EYS: variants seen among roughly 807,000 people sequenced by gnomAD.
EYS encodes protein eyes shut homolog.
EYS carries 250 observed loss-of-function variants against 282.1 expected under a neutral mutation model. The ratio of observed to expected loss-of-function variants is 0.89; its 90% CI spans 0.80 to 0.98. The LOEUF (loss-of-function observed/expected upper bound fraction) is 0.98. EYS is among the 50% of genes least tolerant of loss of function. The pLI is 0.00. For synonymous variants in EYS, 1,355 were observed against 1,282.9 expected (o/e 1.06, Z -1.20); for missense variants, 4,016 against 3,709.0 (o/e 1.08, Z -2.15).
intron 26 of EYS, among the ~76,000 whole-genome samples, chr6:64,495,248 T>C (rs1263290050): frequency 1.3e-5 from 2 of 151,724 alleles, no homozygotes; most frequent in East Asian, 1.9e-4. Context: ...TTGGTGGGAA[T>C]GTAATATCCA....
intron 12 of EYS, among the ~76,000 whole-genome samples, chr6:65,234,529 C>T (rs1354463252): frequency 1.3e-5 from 2 of 152,140 alleles, no homozygotes; most frequent in Non-Finnish European, 2.9e-5. Flanking sequence ...ACCATCATTT[C>T]TACAGCATTA....
At chr6:65,100,128 A>C (rs1774852438) in intron 12 of EYS, among the ~76,000 whole-genome samples, 1 of 150,948 alleles carries the variant, frequency 6.6e-6, no homozygotes, top group Non-Finnish European at 1.5e-5. Flanking sequence ...CTAAGAAAAA[A>C]GTAACCCTAT....
At chr6:65,382,707 G>A (rs867581623) in intron 8 of EYS, among the ~76,000 whole-genome samples, 3 of 151,930 alleles carry the variant, frequency 2.0e-5, no homozygotes, top group Admixed American at 6.6e-5. Context: ...TCCAATGTTC[G>A]AGAGCAGGAA....
intron 26 of EYS, among the ~76,000 whole-genome samples, chr6:64,549,370 C>T (rs1470538155): frequency 1.3e-5 from 2 of 152,198 alleles, no homozygotes; most frequent in Non-Finnish European, 2.9e-5. Flanking sequence ...TTGTCCATGT[C>T]ATGATTCTCA....
At chr6:64,269,131 C>T (rs566652558) in intron 30 of EYS, among the ~76,000 whole-genome samples, 2 of 152,192 alleles carry the variant, frequency 1.3e-5, no homozygotes, top group African/African-American at 4.8e-5. Context: ...ACCAACTAGG[C>T]TATGACAGGG....
chr6:65,217,168 T>C (rs887801432), intron 12 of EYS, among the ~76,000 whole-genome samples: 3 of 152,098 alleles, frequency 2.0e-5, no homozygotes, highest in African/African-American at 7.2e-5. Context: ...CAATATGTTG[T>C]GCTCTTGAGA....
intron 31 of EYS, among the ~76,000 whole-genome samples, chr6:64,184,137 G>A (rs1413122082): frequency 6.6e-6 from 1 of 152,042 alleles, no homozygotes; most frequent in Non-Finnish European, 1.5e-5. Context: ...GTCTTCCATG[G>A]CAATTATCAC....
intron 22 of EYS, among the ~76,000 whole-genome samples, chr6:64,698,107 A>C (rs2149921367): frequency 6.6e-6 from 1 of 152,320 alleles, no homozygotes; most frequent in South Asian, 2.1e-4. Context: ...CAACACAATT[A>C]AGAAGCAAAA....
At chr6:64,625,564 C>A (rs1477921252) in intron 23 of EYS, among the ~76,000 whole-genome samples, 2 of 152,142 alleles carry the variant, frequency 1.3e-5, no homozygotes, top group African/African-American at 2.4e-5. Context: ...TAATCCCATT[C>A]GCAAGGGCTT....
At chr6:64,894,115 T>G (rs1015652501) in intron 18 of EYS, among the ~76,000 whole-genome samples, 16 of 152,116 alleles carry the variant, frequency 1.1e-4, no homozygotes, top group African/African-American at 2.2e-4. Context: ...TGATATACTT[T>G]TATATAATTT....
At chr6:63,860,037 A>C (rs1772495433) in intron 36 of EYS, among the ~76,000 whole-genome samples, 1 of 152,216 alleles carries the variant, frequency 6.6e-6, no homozygotes. Flanking sequence ...CCTCTTCTAC[A>C]GTGTAGTTGT....
At chr6:64,257,405 CTATT>C (rs1464300296) in intron 30 of EYS, among the ~76,000 whole-genome samples, 1 of 151,992 alleles carries the variant, frequency 6.6e-6, no homozygotes, top group Non-Finnish European at 1.5e-5. Context: ...CCATTTTAAT[CTATT>C]TATCCTTACT....
intron 2 of EYS, among the ~76,000 whole-genome samples, chr6:65,573,900 T>TC (rs1439275198): frequency 1.3e-5 from 2 of 152,144 alleles, no homozygotes; most frequent in African/African-American, 2.4e-5. Context: ...AGTGTAAGCC[T>TC]CTATGACCCA....
In EYS at chr6:64,462,895, T is replaced by C. The variant is rs562939859; in HGVS notation, c.5645-23543A>G. Among the ~76,000 whole-genome samples, 69 of 152,042 alleles carry C rather than the reference T, an allele frequency of 4.5e-4. No individual in the cohort carries two copies. In the Middle Eastern group the frequency reaches 0.02, roughly 45 times the overall value. Reference sequence around the variant, plus strand: ...TTAAAAAGCTATCAAAATTCTTTTCTACTTCTCTACAGAACTGCTTTCAAG... The same window carrying C: ...TTAAAAAGCTATCAAAATTCTTTTCCACTTCTCTACAGAACTGCTTTCAAG... On this transcript the variant is annotated intron_variant, in intron 26 of 42. Coordinates refer to ENST00000503581, the MANE Select transcript of EYS (RefSeq NM_001142800.2).
chr6:64,206,849 G>T (rs560716015), intron 31 of EYS, among the ~76,000 whole-genome samples: 2 of 152,112 alleles, frequency 1.3e-5, no homozygotes, highest in African/African-American at 4.8e-5. Flanking sequence ...AAGTTCAGGG[G>T]TATATGTATA....
chr6:64,496,946 T>G (rs1007085827), intron 26 of EYS, among the ~76,000 whole-genome samples: 5 of 152,084 alleles, frequency 3.3e-5, no homozygotes, highest in African/African-American at 1.2e-4. Flanking sequence ...ATTTATGCCA[T>G]AGTATAAAAA....
chr6:65,239,179 T>A (rs1766997548), intron 12 of EYS, among the ~76,000 whole-genome samples: 1 of 152,024 alleles, frequency 6.6e-6, no homozygotes, highest in Admixed American at 6.6e-5. Flanking sequence ...ACAAGACATA[T>A]CCTGTCTTCA....
At chr6:64,282,014 C>T (rs893612108) in intron 30 of EYS, among the ~76,000 whole-genome samples, 3 of 152,036 alleles carry the variant, frequency 2.0e-5, no homozygotes, top group Non-Finnish European at 4.4e-5. Flanking sequence ...AATGCATTGA[C>T]TGTGATTATA....
At chr6:64,446,989 G>A (rs201091693) in intron 26 of EYS, among the ~76,000 whole-genome samples, 1 of 149,318 alleles carries the variant, frequency 6.7e-6, no homozygotes, top group Admixed American at 6.7e-5. Flanking sequence ...GTGTGTGTGG[G>A]GGGGGGGTGC....
Sources: gnomAD v4.1 joint callset for allele counts (sites outside exome capture counted in the v4.1 genomes callset) on GRCh38, gnomAD v4.1.1 for gene constraint, MANE v1.5 for transcripts, NCBI Gene and HGNC (gene_info 2026-07-23, HGNC 2026-07-21) for gene names.